Variants in GRM8 observed in about 807,000 individuals in gnomAD.
The protein encoded by GRM8 is metabotropic glutamate receptor 8.
A neutral mutation model predicts 87.2 loss-of-function variants in GRM8; 47 were observed. That is an observed-to-expected ratio of 0.54 (90% CI 0.43 to 0.69). The LOEUF (loss-of-function observed/expected upper bound fraction) is 0.69. Ranked by LOEUF, GRM8 falls within the 30% of genes least tolerant of loss-of-function variation. The pLI is 0.00. For missense variants in GRM8, 1,019 were observed against 1,139.2 expected, an observed-to-expected ratio of 0.89 and a Z score of 1.52; for synonymous variants, 396 against 404.5, an observed-to-expected ratio of 0.98 and a Z score of 0.25.
At chr7:126,480,826 C>A (rs1380920356) in intron 9 of GRM8, among the ~76,000 whole-genome samples, 7 of 152,010 alleles carry the variant, frequency 4.6e-5, no homozygotes, top group East Asian at 1.9e-4. Context: ...GACAGTGACA[C>A]CCCAGTAGTA....
At position 126,551,817 on chromosome 7, in the gene GRM8, C is replaced by T. The variant is rs944189313; in HGVS notation, c.1495-17930G>A. Among the ~76,000 whole-genome samples the T allele has an allele frequency of 3.3e-5, 5 of 151,968 alleles. No individual in the cohort carries two copies. The East Asian group carries it at 5.8e-4, about 18-fold the overall frequency. ...TCTAATCCATCTTGCACATAGAAATCGGGGACAGATAAAAATACTCTTAAC... is the reference window on the plus strand; with the variant it reads ...TCTAATCCATCTTGCACATAGAAATTGGGGACAGATAAAAATACTCTTAAC... On this transcript the variant is annotated intron_variant, in intron 8 of 10. Transcript: ENST00000339582.
chr7:127,064,895 G>C (rs892768424), intron 3 of GRM8, among the ~76,000 whole-genome samples: 1 of 152,178 alleles, frequency 6.6e-6, no homozygotes, highest in African/African-American at 2.4e-5. Context: ...AGAGGAAAGG[G>C]AACACCTATA....
chr7:126,643,702 A>G (rs530171954), intron 7 of GRM8, among the ~76,000 whole-genome samples: 42 of 152,300 alleles, frequency 2.8e-4, no homozygotes, highest in African/African-American at 1.0e-3. Flanking sequence ...TTCAAGAAAA[A>G]CTGTTTAATA....
chr7:127,207,879 T>C (rs17866228), intron 2 of GRM8, among the ~76,000 whole-genome samples: 3,429 of 152,298 alleles, frequency 0.023, 121 homozygotes, highest in African/African-American at 0.077. Context: ...GGTTAAGTCA[T>C]GCACCCTCCA....
chr7:126,914,283 G>A (rs954351923), intron 3 of GRM8, among the ~76,000 whole-genome samples: 1 of 152,154 alleles, frequency 6.6e-6, no homozygotes, highest in Non-Finnish European at 1.5e-5. Context: ...ATGTTGATGA[G>A]GCTACAGAGA....
At chr7:126,620,769 C>T (rs956361059) in intron 7 of GRM8, among the ~76,000 whole-genome samples, 2 of 152,184 alleles carry the variant, frequency 1.3e-5, no homozygotes, top group African/African-American at 4.8e-5. Context: ...ATCTTCCATT[C>T]CTTTGGCTGC....
intron 6 of GRM8, among the ~76,000 whole-genome samples, chr7:126,819,275 T>TACACACAC (rs3038867): frequency 0.012 from 1,781 of 148,286 alleles, 27 homozygotes; most frequent in East Asian, 0.059. Flanking sequence ...CAGACACACA[T>TACACACAC]ACACACACAC....
chr7:126,789,564 T>C (rs1450300718), intron 6 of GRM8, among the ~76,000 whole-genome samples: 3 of 152,034 alleles, frequency 2.0e-5, no homozygotes, highest in South Asian at 2.1e-4. Context: ...TAAAACCCCA[T>C]AGAGCATGAC....
intron 8 of GRM8, among the ~76,000 whole-genome samples, chr7:126,557,737 G>T (rs1004221279): frequency 6.6e-6 from 1 of 152,044 alleles, no homozygotes; most frequent in Non-Finnish European, 1.5e-5. Flanking sequence ...TGGGCAAACT[G>T]TAAAAATAGA....
intron 10 of GRM8, among the ~76,000 whole-genome samples, chr7:126,444,748 A>T (rs982591367): frequency 6.6e-6 from 1 of 152,076 alleles, no homozygotes; most frequent in Admixed American, 6.6e-5. Flanking sequence ...AATAAAATTA[A>T]TTTTTAGTTT....
At chr7:126,928,671 CAAA>C (rs57576564) in intron 3 of GRM8, among the ~76,000 whole-genome samples, 5 of 98,530 alleles carry the variant, frequency 5.1e-5, no homozygotes, top group Admixed American at 1.2e-4. Flanking sequence ...GACCCTGCCT[CAAA>C]AAAAAAAAAA....
At chr7:126,563,324 T>C (rs1285453122) in intron 8 of GRM8, among the ~76,000 whole-genome samples, 2 of 151,794 alleles carry the variant, frequency 1.3e-5, no homozygotes, top group East Asian at 3.9e-4. Context: ...TAATCAAAAA[T>C]ATTCATTATT....
At chr7:127,159,171 C>T (rs997426425) in intron 2 of GRM8, among the ~76,000 whole-genome samples, 4 of 152,202 alleles carry the variant, frequency 2.6e-5, no homozygotes, top group African/African-American at 4.8e-5. Context: ...GTATTCTCCA[C>T]ATCACTTTTG....
intron 9 of GRM8, among the ~76,000 whole-genome samples, chr7:126,452,376 A>G (rs546412284): frequency 8.6e-5 from 13 of 151,356 alleles, no homozygotes; most frequent in African/African-American, 2.9e-4. Flanking sequence ...TGGCACATGT[A>G]TACATATGTA....
intron 3 of GRM8, among the ~76,000 whole-genome samples, chr7:126,992,845 G>A (rs1223988295): frequency 6.6e-6 from 1 of 151,960 alleles, no homozygotes; most frequent in Non-Finnish European, 1.5e-5. Context: ...GTGTGTGTGT[G>A]TGTGTGTGTA....
chr7:126,987,535 A>T (rs930677299), intron 3 of GRM8, among the ~76,000 whole-genome samples: 14 of 151,842 alleles, frequency 9.2e-5, no homozygotes, highest in Admixed American at 9.2e-4. Flanking sequence ...ATCTCGGCTT[A>T]CTGCAAGCTC....
At chr7:127,077,292 A>T (rs1168904008) in intron 3 of GRM8, among the ~76,000 whole-genome samples, 2 of 152,132 alleles carry the variant, frequency 1.3e-5, no homozygotes, top group African/African-American at 4.8e-5. Flanking sequence ...TATTTCTCTA[A>T]CTGGCTTGTT....
chr7:126,804,363 C>A (rs1792433116), intron 6 of GRM8, among the ~76,000 whole-genome samples: 1 of 152,254 alleles, frequency 6.6e-6, no homozygotes, highest in Non-Finnish European at 1.5e-5. Context: ...TTATTTTCTA[C>A]AAATCCCCTC....
intron 7 of GRM8, among the ~76,000 whole-genome samples, chr7:126,647,419 G>T (rs566329514): frequency 6.8e-4 from 103 of 151,356 alleles, no homozygotes; most frequent in African/African-American, 2.3e-3. Context: ...AGTTAAATTT[G>T]CCATATTTGG....
Sources: allele counts gnomAD v4.1 joint callset (sites outside exome capture counted in the v4.1 genomes callset), GRCh38; gene constraint gnomAD v4.1.1; transcripts MANE v1.5; gene names NCBI Gene and HGNC (gene_info 2026-07-23, HGNC 2026-07-21).